The following FDXR variants were observed in gnomAD, a reference collection of about 807,000 sequenced individuals.
The protein encoded by FDXR is NADPH:adrenodoxin oxidoreductase, mitochondrial.
Under a neutral mutation model 58.3 loss-of-function variants are expected in FDXR, and 38 were observed. The ratio of observed to expected loss-of-function variants is 0.65; its 90% confidence interval spans 0.50 to 0.85. The LOEUF (loss-of-function observed/expected upper bound fraction) is 0.85, where lower values mean the gene tolerates loss of function less well. FDXR is among the 40% of genes least tolerant of loss of function. The pLI is 0.00. For synonymous variants in FDXR, 275 were observed against 273.8 expected (o/e 1.00, Z -0.04); for missense variants, 624 against 671.0 (o/e 0.93, Z 0.77).
At chr17:74,872,773 C>A in intron 1 of FDXR, 93 bp downstream of exon 1, 5 of 1,537,062 alleles carry the variant, frequency 3.3e-6, no homozygotes, top group Non-Finnish European at 4.4e-6. Flanking sequence ...TCTCACCCTT[C>A]TCCAGCCCTG....
chr17:74,864,954 GAGTCATC>G (rs1343870293), intron 6 of FDXR, 23 bp from the exon 7 acceptor site: 1 of 1,614,038 alleles, frequency 6.2e-7, no homozygotes. Context: ...GAGGGCCTTG[GAGTCATC>G]AGACACTGAC....
rs1369939830 is a variant in FDXR, at chr17:74,872,972, T to C, written c.-28A>G. The C allele has an allele frequency of 2.1e-5, 32 of 1,544,294 alleles. No homozygotes were observed. Among genetic ancestry groups the C allele is most frequent in the Middle Eastern group, 1.8e-4 (1 of 5,674 alleles). ...CTGGGAGCAGCAACCTGCAAGTGGATCTGTTCCTAGCTACTGCTCCGCAGG... is the reference window on the plus strand; with the variant it reads ...CTGGGAGCAGCAACCTGCAAGTGGACCTGTTCCTAGCTACTGCTCCGCAGG... On this transcript the variant is annotated 5_prime_UTR_variant, in exon 1 of 12. Coordinates refer to ENST00000293195, the MANE Select transcript of FDXR (RefSeq NM_024417.5).
chr17:74,871,046 A>T lies in FDXR; in HGVS notation c.177+990T>A, dbSNP rs147627174. ...TCAAACTCCTGACTTCAAGTGATCC[A>T]CCTGCCTTGGCCTCCCAAAGTGCTG... On this transcript the variant is annotated intron_variant, in intron 2 of 11. Transcript: ENST00000293195. 1.9e-3 allele frequency among the ~76,000 whole-genome samples: 290 copies of T among 152,082 alleles called. 1 individual carries two copies. Among genetic ancestry groups the T allele is most frequent in the African/African-American group, 6.8e-3 (282 of 41,482 alleles).
Position 74,863,153 on chromosome 17 carries a change from TGCA to T in FDXR, c.1265_1267del (p.Leu422del). On this transcript the variant is annotated inframe_deletion, in exon 11 of 12. Transcript: ENST00000293195. ...GGGGAGCAACCCAGCCTTCAGGTCC[TGCA>T]GCAGCATCTGGCCGGTGAGGAAGCT... 6.2e-7 allele frequency: 1 copy of T among 1,613,818 alleles called. No homozygotes were observed. The highest frequency in any genetic ancestry group is 8.5e-7 in the Non-Finnish European group (1 of 1,179,988).
In FDXR at chr17:74,863,256, G is replaced by T. The variant is rs1598511554; in HGVS notation, c.1175-10C>A. On this transcript the variant is annotated splice_polypyrimidine_tract_variant and intron_variant, in intron 10 of 11. Coordinates refer to ENST00000293195, the MANE Select transcript of FDXR (RefSeq NM_024417.5). ...CCGCTGCAGTAGAGGCCTGAGAGGGGGTAACAAAAGGGGAAGGGAGGGAGG... is the reference window on the plus strand; with the variant it reads ...CCGCTGCAGTAGAGGCCTGAGAGGGTGTAACAAAAGGGGAAGGGAGGGAGG... 6 of 1,608,010 alleles carry T rather than the reference G, an allele frequency of 3.7e-6. No individual in the cohort carries two copies. The highest frequency in any genetic ancestry group is 5.1e-6 in the Non-Finnish European group (6 of 1,177,158).
rs1567906610 is a variant in FDXR, at chr17:74,862,790, TGCTGGGGGCCGGG to T, written c.*14_*26del. The T allele has an allele frequency of 6.3e-7, 1 of 1,594,946 alleles. No individual in the cohort carries two copies. The highest frequency in any genetic ancestry group is 1.3e-5 in the African/African-American group (1 of 74,714). ...CCCCTCCCAACACTCATCCCTTCCC[TGCTGGGGGCCGGG>T]GCTGGGGCTGGGCTCAGTGGCCCAG... On this transcript the variant is annotated 3_prime_UTR_variant, in exon 12 of 12. Coordinates refer to ENST00000293195, the MANE Select transcript of FDXR (RefSeq NM_024417.5).
At chr17:74,867,003 C>G (rs754004123) in intron 2 of FDXR, 127 bp from the exon 3 acceptor site, 1 of 1,493,730 alleles carries the variant, frequency 6.7e-7, no homozygotes, top group Non-Finnish European at 8.9e-7. Flanking sequence ...AGGCTTCCAC[C>G]CTCTGCAAGG....
intron 2 of FDXR, among the ~76,000 whole-genome samples, chr17:74,870,727 C>T (rs1262592638): frequency 2.0e-5 from 3 of 151,782 alleles, no homozygotes; most frequent in African/African-American, 7.3e-5. Context: ...TCCAGGATGA[C>T]TCCCCACATG....
chr17:74,872,612 A>AC (rs2038411056), intron 1 of FDXR: 1 of 766,438 alleles, frequency 1.3e-6, no homozygotes, highest in Non-Finnish European at 2.0e-6. Context: ...TCCTCCATTC[A>AC]CCCCGTCTCA....
intron 2 of FDXR, among the ~76,000 whole-genome samples, chr17:74,870,640 C>T (rs1016942954): frequency 6.6e-6 from 1 of 152,110 alleles, no homozygotes; most frequent in African/African-American, 2.4e-5. Context: ...TCTCCAGCCC[C>T]CATGTGCTCC....
In FDXR at chr17:74,863,776, C is replaced by A. The variant is rs140703883; in HGVS notation, c.1174+120G>T. On this transcript the variant is annotated intron_variant, in intron 10 of 11. Coordinates refer to ENST00000293195, the MANE Select transcript of FDXR (RefSeq NM_024417.5). Reference sequence around the variant, plus strand: ...GGGCGGCACTGGGTCCTAGAGAGGGCCTGCCCTGCAGAAGCTTCTCAGTAC... The same window carrying A: ...GGGCGGCACTGGGTCCTAGAGAGGGACTGCCCTGCAGAAGCTTCTCAGTAC... 3.1e-6 allele frequency: 4 copies of A among 1,301,934 alleles called. No homozygotes were observed. In the East Asian group the frequency reaches 6.9e-5, roughly 23 times the overall value. 80.6% of individuals were successfully genotyped at this position (1,301,934 alleles called of 1,614,324 possible).
In FDXR at chr17:74,866,228, T is replaced by TCC. The variant is rs756333157; in HGVS notation, c.408_409dup (p.Asp137GlyfsTer39). The TCC allele has an allele frequency of 6.2e-7, 1 of 1,613,730 alleles. No individual in the cohort carries two copies. Among genetic ancestry groups the TCC allele is most frequent in the Non-Finnish European group, 8.5e-7 (1 of 1,179,836 alleles). On this transcript the variant is annotated frameshift_variant, in exon 5 of 12. Coordinates refer to ENST00000293195, the MANE Select transcript of FDXR (RefSeq NM_024417.5). LOFTEE classifies it high-confidence loss of function. Reference sequence around the variant, plus strand: ...ACCAGGAATTTCCAGGGCCCGATGGTCCTCTGCCCCGTAGCTCTGATGAAA... The same window carrying TCC: ...ACCAGGAATTTCCAGGGCCCGATGGTCCCCTCTGCCCCGTAGCTCTGATGAAA...
At position 74,865,497 on chromosome 17, in the gene FDXR, A is replaced by G. The variant is rs2038143829; in HGVS notation, c.609+222T>C. Among the ~76,000 whole-genome samples the G allele has an allele frequency of 2.0e-5, 3 of 152,030 alleles. No homozygotes were observed. The South Asian group carries it at 6.2e-4, about 32-fold the overall frequency. On this transcript the variant is annotated intron_variant, in intron 6 of 11. Transcript: ENST00000293195. ...CAGGGGATGTGGCTTACTGAAGAGTAAGAGAAAAACGCCACTTAGCTGGAG... is the reference window on the plus strand; with the variant it reads ...CAGGGGATGTGGCTTACTGAAGAGTGAGAGAAAAACGCCACTTAGCTGGAG...
Position 74,864,168 on chromosome 17 carries a change from G to A in FDXR, c.982C>T (p.Leu328=). ...CTCACCTCCAGTCTAGTGACTGCTAGGCGGACACCTGCTGCCCGCCGCCCA... is the reference window on the plus strand; with the variant it reads ...CTCACCTCCAGTCTAGTGACTGCTAAGCGGACACCTGCTGCCCGCCGCCCA... ...PDGRRAAGVR[L]AVTRLEGVDE... is the part of the protein sequence containing the mutation. The change falls in exon 9 of 12, where the codon CTA becomes TTA. Residue 328 remains leucine, a synonymous_variant. Coordinates refer to ENST00000293195, the MANE Select transcript of FDXR (RefSeq NM_024417.5). 1 of 1,612,768 alleles carries A rather than the reference G, an allele frequency of 6.2e-7. No homozygotes were observed. The highest frequency in any genetic ancestry group is 8.5e-7 in the Non-Finnish European group (1 of 1,180,004).
chr17:74,865,880 C>A, intron 5 of FDXR, 60 bp from the exon 6 acceptor site: 2 of 1,318,568 alleles, frequency 1.5e-6, no homozygotes, highest in South Asian at 1.2e-5. Context: ...TCATCTCAGT[C>A]TGCAGGTGCC....
At chr17:74,872,272 C>CTTTG in intron 1 of FDXR, 139 bp from the exon 2 acceptor site, 1 of 1,538,190 alleles carries the variant, frequency 6.5e-7, no homozygotes, top group Admixed American at 2.0e-5. Flanking sequence ...TTCCTCAAGG[C>CTTTG]TTTGGCATTT....
At chr17:74,863,348 C>T (rs2038044496) in intron 10 of FDXR, 102 bp from the exon 11 acceptor site, 1 of 1,145,332 alleles carries the variant, frequency 8.7e-7, no homozygotes, top group Non-Finnish European at 1.2e-6. Flanking sequence ...CACAGACACC[C>T]CACGCCTCTT....
chr17:74,869,814 T>G (rs2038311941), intron 2 of FDXR: 1 of 380,084 alleles, frequency 2.6e-6, no homozygotes, highest in Non-Finnish European at 5.7e-6. Flanking sequence ...GCCCAGAACA[T>G]GTTACGTCCA....
chr17:74,867,990 C>T (rs1297736853), intron 2 of FDXR, among the ~76,000 whole-genome samples: 1 of 152,064 alleles, frequency 6.6e-6, no homozygotes, highest in Non-Finnish European at 1.5e-5. Flanking sequence ...CTTAGGTCCC[C>T]GCTATGACAC....
Sources: allele counts gnomAD v4.1 joint callset (sites outside exome capture counted in the v4.1 genomes callset), GRCh38; gene constraint gnomAD v4.1.1; transcripts MANE v1.5; gene names NCBI Gene and HGNC (gene_info 2026-07-23, HGNC 2026-07-21).